Variants in DAB1 observed in about 807,000 individuals in gnomAD.
DAB1 encodes the protein DAB adaptor protein 1, also known as disabled homolog 1.
A neutral mutation model predicts 64.6 loss-of-function variants in DAB1; 15 were observed. That is an observed-to-expected ratio of 0.23 (90% CI 0.16 to 0.36). The LOEUF is 0.36. Among genes scored for constraint, DAB1 ranks in the 10% least tolerant of loss-of-function variants. The pLI, the probability that DAB1 is intolerant of heterozygous loss-of-function variation, is 1.00. For synonymous variants in DAB1, 235 were observed against 251.9 expected (o/e 0.93, Z 0.64); for missense variants, 596 against 706.7 (o/e 0.84, Z 1.78).
chr1:57,430,276 A>G (rs1204104769), intron 7 of DAB1, among the ~76,000 whole-genome samples: 1 of 152,216 alleles, frequency 6.6e-6, no homozygotes, highest in Non-Finnish European at 1.5e-5. Context: ...TTCAAACACA[A>G]ATTATTACAC....
chr1:57,211,088 C>T (rs1665965608), intron 2 of DAB1, among the ~76,000 whole-genome samples: 1 of 152,228 alleles, frequency 6.6e-6, no homozygotes, highest in African/African-American at 2.4e-5. Flanking sequence ...CAGCATCAGG[C>T]TGAGACTGTC....
intron 1 of DAB1, among the ~76,000 whole-genome samples, chr1:57,350,761 C>T (rs1678524763): frequency 6.6e-6 from 1 of 152,074 alleles, no homozygotes; most frequent in South Asian, 2.1e-4. Flanking sequence ...AATAGCTATT[C>T]AAGTCACATG....
chr1:57,950,461 A>G (rs1011628904), intron 5 of DAB1, among the ~76,000 whole-genome samples: 1 of 152,102 alleles, frequency 6.6e-6, no homozygotes, highest in African/African-American at 2.4e-5. Context: ...TCATTTCTCC[A>G]TGTCCTCCTA....
Position 58,191,494 on chromosome 1 carries a change from C to A in DAB1, n.310-40906G>T, listed in dbSNP as rs184501981. Among the ~76,000 whole-genome samples, 438 of 152,294 alleles carry A rather than the reference C, an allele frequency of 2.9e-3. 1 individual carries two copies. Among genetic ancestry groups the A allele is most frequent in the African/African-American group, 9.2e-3 (382 of 41,552 alleles). ...CAGAGAACTCAACTGGAAAACCATT[C>A]CCTGAGTGCAAGCTGAGGCCGAGAG... On this transcript the variant is annotated intron_variant and non_coding_transcript_variant, in intron 4 of 20. Transcript: ENST00000485760.
intron 1 of DAB1, among the ~76,000 whole-genome samples, chr1:57,316,199 C>T (rs1160766177): frequency 6.6e-6 from 1 of 152,142 alleles, no homozygotes; most frequent in Non-Finnish European, 1.5e-5. Flanking sequence ...AGAGAGAAAA[C>T]AGGTGAGGCA....
intron 4 of DAB1, among the ~76,000 whole-genome samples, chr1:58,158,580 C>T (rs1357912930): frequency 1.3e-5 from 2 of 152,148 alleles, no homozygotes; most frequent in Non-Finnish European, 2.9e-5. Context: ...GGGAGTACAG[C>T]AAGTCAGACT....
intron 2 of DAB1, among the ~76,000 whole-genome samples, chr1:57,177,204 A>G (rs929950397): frequency 1.3e-5 from 2 of 152,108 alleles, no homozygotes. Flanking sequence ...GCTGCCCTAG[A>G]AAATCAGTCC....
intron 2 of DAB1, among the ~76,000 whole-genome samples, chr1:57,176,889 C>T (rs1393529096): frequency 6.7e-6 from 1 of 148,780 alleles, no homozygotes; most frequent in South Asian, 2.1e-4. Flanking sequence ...GCAGAAAATG[C>T]CACCCAAAAA....
chr1:57,130,524 G>A lies in DAB1; in HGVS notation c.306+6019C>T, dbSNP rs113521956. 4.3e-3 allele frequency among the ~76,000 whole-genome samples: 648 copies of A among 152,082 alleles called. 4 individuals are homozygous for A. Among genetic ancestry groups the A allele is most frequent in the African/African-American group, 0.015 (606 of 41,472 alleles). On this transcript the variant is annotated intron_variant, in intron 4 of 14. Transcript: ENST00000371236. ...GAATCAACTTAAGTGTGGTACCAGC[G>A]AATGAATATATAAATAAAATGTGGT...
chr1:57,314,802 A>T (rs1371988098), intron 1 of DAB1, among the ~76,000 whole-genome samples: 1 of 151,880 alleles, frequency 6.6e-6, no homozygotes, highest in Non-Finnish European at 1.5e-5. Context: ...AGGGATGAAC[A>T]GATGGAAAAA....
At chr1:57,133,153 A>T (rs1657780274) in intron 4 of DAB1, among the ~76,000 whole-genome samples, 1 of 152,214 alleles carries the variant, frequency 6.6e-6, no homozygotes, top group Non-Finnish European at 1.5e-5. Context: ...TCAAATGAAT[A>T]AGCAAAATTC....
chr1:57,603,713 A>G (rs1324407118), intron 7 of DAB1, among the ~76,000 whole-genome samples: 2 of 152,212 alleles, frequency 1.3e-5, no homozygotes, highest in Non-Finnish European at 2.9e-5. Flanking sequence ...AGAGGCTCGA[A>G]GCAAAGCAAA....
Position 57,537,151 on chromosome 1 carries a change from CT to C in DAB1, n.625+112440del, listed in dbSNP as rs1644739926. Among the ~76,000 whole-genome samples the C allele has an allele frequency of 2.6e-5, 4 of 152,164 alleles. No homozygotes were observed. In the South Asian group the frequency reaches 8.3e-4, roughly 31 times the overall value. The stretch of plus-strand genomic sequence containing the variant: ...AATTAACTTTACTTGTTTCTTTTTA[CT>C]TTTTAAATGTGGCTACTAGAGATTG... On this transcript the variant is annotated intron_variant and non_coding_transcript_variant, in intron 7 of 20. Transcript: ENST00000485760.
chr1:58,158,082 T>C (rs1347580183), intron 4 of DAB1, among the ~76,000 whole-genome samples: 2 of 151,818 alleles, frequency 1.3e-5, no homozygotes, highest in South Asian at 2.1e-4. Flanking sequence ...CTAATGCCAG[T>C]ATTCAAAAAG....
chr1:58,225,171 C>T (rs999579197), intron 4 of DAB1, among the ~76,000 whole-genome samples: 2 of 151,908 alleles, frequency 1.3e-5, no homozygotes, highest in African/African-American at 4.8e-5. Flanking sequence ...AGACACTTCG[C>T]AAAAGAAGAC....
intron 1 of DAB1, chr1:57,864,501 C>T (rs1274577110): frequency 6.6e-6 from 1 of 152,020 alleles, no homozygotes; most frequent in Non-Finnish European, 1.5e-5. Context: ...TCAAATCTAT[C>T]AGAACTGCTT....
intron 4 of DAB1, among the ~76,000 whole-genome samples, chr1:57,128,250 C>T (rs955465964): frequency 6.6e-6 from 1 of 151,860 alleles, no homozygotes. Context: ...ACACTCTACA[C>T]TCATCACTCA....
At chr1:58,494,196 G>A (rs973472944) in intron 3 of DAB1, among the ~76,000 whole-genome samples, 1 of 152,146 alleles carries the variant, frequency 6.6e-6, no homozygotes, top group African/African-American at 2.4e-5. Flanking sequence ...AAATGGTGCT[G>A]GGAAAACTGG....
chr1:58,011,930 A>G (rs1179084820), intron 5 of DAB1, among the ~76,000 whole-genome samples: 1 of 152,138 alleles, frequency 6.6e-6, no homozygotes, highest in Non-Finnish European at 1.5e-5. Flanking sequence ...ACCTCAGGTG[A>G]TCCACCTGCC....
Sources: gnomAD v4.1 joint callset for allele counts (sites outside exome capture counted in the v4.1 genomes callset) on GRCh38, gnomAD v4.1.1 for gene constraint, MANE v1.5 for transcripts, NCBI Gene and HGNC (gene_info 2026-07-23, HGNC 2026-07-21) for gene names.